Variants in NXPH1 observed in about 807,000 individuals in gnomAD.
NXPH1 encodes neurexophilin-1.
In NXPH1, 5 loss-of-function variants were observed where a neutral mutation model predicts 23.7. That is an observed-to-expected ratio of 0.21 (90% CI 0.11 to 0.44). The LOEUF is 0.44. Among genes scored for constraint, NXPH1 ranks in the 20% least tolerant of loss-of-function variants. NXPH1 has a pLI of 0.99. For missense variants in NXPH1, 324 were observed against 321.6 expected, an observed-to-expected ratio of 1.01 and a Z score of -0.06; for synonymous variants, 144 against 122.2, an observed-to-expected ratio of 1.18 and a Z score of -1.18.
Position 8,464,231 on chromosome 7 carries a change from T to A in NXPH1, c.54+28464T>A, listed in dbSNP as rs1045965995. ...TTAGCCATCCCTAGACATCTTTATA[T>A]CCCCCCGTAAAACCTTTTACCAACA... On this transcript the variant is annotated intron_variant, in intron 2 of 2. Coordinates refer to ENST00000405863, the MANE Select transcript of NXPH1 (RefSeq NM_152745.3). 2.0e-5 allele frequency among the ~76,000 whole-genome samples: 3 copies of A among 152,114 alleles called. No homozygotes were observed. In the South Asian group the frequency reaches 6.2e-4, roughly 31 times the overall value.
intron 2 of NXPH1, among the ~76,000 whole-genome samples, chr7:8,475,800 T>G (rs771582711): frequency 1.5e-4 from 23 of 152,206 alleles, no homozygotes; most frequent in Non-Finnish European, 3.2e-4. Context: ...ATATAATTAT[T>G]GATTAGGAAC....
chr7:8,748,401 T>C (rs560831541), intron 2 of NXPH1, among the ~76,000 whole-genome samples: 1 of 152,128 alleles, frequency 6.6e-6, no homozygotes, highest in Non-Finnish European at 1.5e-5. Context: ...TTTCCTATAT[T>C]TTCCCCAAGA....
At chr7:8,745,719 A>ATT (rs56019801) in intron 2 of NXPH1, among the ~76,000 whole-genome samples, 17,946 of 111,778 alleles carry the variant, frequency 0.16, 1,639 homozygotes, top group Middle Eastern at 0.28. Flanking sequence ...CGCCCAGCTA[A>ATT]TTTTTTTTTT....
intron 2 of NXPH1, among the ~76,000 whole-genome samples, chr7:8,645,360 T>C (rs1348660304): frequency 6.6e-6 from 1 of 152,114 alleles, no homozygotes. Context: ...AAATATATTA[T>C]ATGGAAGGTT....
intron 2 of NXPH1, among the ~76,000 whole-genome samples, chr7:8,657,564 G>A (rs1050018446): frequency 2.0e-5 from 3 of 152,214 alleles, no homozygotes; most frequent in Non-Finnish European, 4.4e-5. Flanking sequence ...AATCAGAGAT[G>A]AGGGCTCATG....
intron 2 of NXPH1, among the ~76,000 whole-genome samples, chr7:8,698,177 C>T (rs1054704331): frequency 1.3e-5 from 2 of 152,146 alleles, no homozygotes; most frequent in African/African-American, 4.8e-5. Flanking sequence ...GAGTTCTGTA[C>T]CATGACAAAC....
At chr7:8,450,943 C>G (rs1428796987) in intron 2 of NXPH1, among the ~76,000 whole-genome samples, 3 of 152,072 alleles carry the variant, frequency 2.0e-5, no homozygotes, top group African/African-American at 7.2e-5. Context: ...CAGAAATAAA[C>G]CTTTTAGCAC....
intron 2 of NXPH1, among the ~76,000 whole-genome samples, chr7:8,606,598 A>G (rs918692533): frequency 1.3e-5 from 2 of 152,190 alleles, no homozygotes; most frequent in Non-Finnish European, 2.9e-5. Context: ...AAGTTAAGGC[A>G]TGGTTTTTGA....
At position 8,554,414 on chromosome 7, in the gene NXPH1, A is replaced by G. The variant is rs568243761; in HGVS notation, c.54+118647A>G. Among the ~76,000 whole-genome samples, 58 of 151,630 alleles carry G rather than the reference A, an allele frequency of 3.8e-4. No homozygotes were observed. The South Asian group carries it at 0.011, about 29-fold the overall frequency. On this transcript the variant is annotated intron_variant, in intron 2 of 2. Coordinates refer to ENST00000405863, the MANE Select transcript of NXPH1 (RefSeq NM_152745.3). ...GAATGAGCCGGTCGGTGCTCTTAGG[A>G]TTTGAAACTGAGAATGTTGTGCTTA... is the stretch of plus-strand genomic sequence containing the variant.
At chr7:8,456,780 TTTAAGGCA>T (rs1217320120) in intron 2 of NXPH1, among the ~76,000 whole-genome samples, 1 of 152,200 alleles carries the variant, frequency 6.6e-6, no homozygotes, top group Non-Finnish European at 1.5e-5. Context: ...AGCCTTACAG[TTTAAGGCA>T]TGTTGCCCTT....
At position 8,457,042 on chromosome 7, in the gene NXPH1, G is replaced by C. The variant is rs75190150; in HGVS notation, c.54+21275G>C. Among the ~76,000 whole-genome samples, 527 of 152,306 alleles carry C rather than the reference G, an allele frequency of 3.5e-3. 4 individuals carry two copies. The highest frequency in any genetic ancestry group is 5.7e-3 in the Non-Finnish European group (389 of 68,018). On this transcript the variant is annotated intron_variant, in intron 2 of 2. Transcript: ENST00000405863. Reference sequence around the variant, plus strand: ...CCCCTAATGTCCACAAAGGTCAATTGAATATTTATGCTTGATACGAGGGTT... The same window carrying C: ...CCCCTAATGTCCACAAAGGTCAATTCAATATTTATGCTTGATACGAGGGTT...
At chr7:8,485,047 G>C (rs535139897) in intron 2 of NXPH1, among the ~76,000 whole-genome samples, 4 of 151,506 alleles carry the variant, frequency 2.6e-5, no homozygotes, top group South Asian at 4.1e-4. Flanking sequence ...TCAGCCACAG[G>C]GAACAAAATG....
intron 2 of NXPH1, among the ~76,000 whole-genome samples, chr7:8,642,150 A>G (rs967919232): frequency 2.6e-5 from 4 of 152,186 alleles, no homozygotes; most frequent in African/African-American, 9.6e-5. Context: ...CTTCCTTAAA[A>G]AGGGTGTTTT....
chr7:8,486,777 TTC>T (rs1235184248), intron 2 of NXPH1, among the ~76,000 whole-genome samples: 1 of 152,182 alleles, frequency 6.6e-6, no homozygotes, highest in African/African-American at 2.4e-5. Flanking sequence ...TGGTGTGCAG[TTC>T]TCTCTATCTG....
At chr7:8,488,021 C>A (rs953935323) in intron 2 of NXPH1, among the ~76,000 whole-genome samples, 3 of 152,134 alleles carry the variant, frequency 2.0e-5, no homozygotes, top group Non-Finnish European at 4.4e-5. Context: ...GGATTAGGTA[C>A]TTATCAGGCT....
chr7:8,577,614 G>T (rs1818778538), intron 2 of NXPH1, among the ~76,000 whole-genome samples: 1 of 152,300 alleles, frequency 6.6e-6, no homozygotes, highest in East Asian at 1.9e-4. Flanking sequence ...CTGTACTAGT[G>T]ACTCTGGACA....
At chr7:8,526,216 G>A (rs1203152454) in intron 2 of NXPH1, among the ~76,000 whole-genome samples, 2 of 152,204 alleles carry the variant, frequency 1.3e-5, no homozygotes, top group Non-Finnish European at 2.9e-5. Context: ...TGACTCCCCT[G>A]CTGGATTTTG....
chr7:8,690,785 C>T (rs529742315), intron 2 of NXPH1, among the ~76,000 whole-genome samples: 4 of 152,232 alleles, frequency 2.6e-5, no homozygotes, highest in South Asian at 2.1e-4. Context: ...TTCATATTGA[C>T]GCATTTACTG....
chr7:8,730,503 A>G (rs1183065698), intron 2 of NXPH1, among the ~76,000 whole-genome samples: 71 of 151,696 alleles, frequency 4.7e-4, no homozygotes, highest in African/African-American at 1.4e-3. Flanking sequence ...CATGTTTAGC[A>G]CTTCCTTCAG....
Sources: gnomAD v4.1 joint callset for allele counts (sites outside exome capture counted in the v4.1 genomes callset) on GRCh38, gnomAD v4.1.1 for gene constraint, MANE v1.5 for transcripts, NCBI Gene and HGNC (gene_info 2026-07-23, HGNC 2026-07-21) for gene names.